Variants in ZSCAN18 observed in about 807,000 individuals in gnomAD.
ZSCAN18 encodes the protein zinc finger and SCAN domain containing 18, also known as zinc finger and SCAN domain-containing protein 18.
Under a neutral mutation model 31.1 loss-of-function variants are expected in ZSCAN18, and 16 were observed. The ratio of observed to expected loss-of-function variants is 0.51; its 90% confidence interval spans 0.35 to 0.78. The LOEUF (loss-of-function observed/expected upper bound fraction) is 0.78. ZSCAN18 is among the 30% of genes least tolerant of loss of function. The pLI, the probability that ZSCAN18 is intolerant of heterozygous loss-of-function variation, is 0.01. For synonymous variants in ZSCAN18, 375 were observed against 320.7 expected (o/e 1.17, Z -1.81); for missense variants, 731 against 697.4 (o/e 1.05, Z -0.54).
At chr19:58,094,752 C>T (rs1388553225) in intron 1 of ZSCAN18, among the ~76,000 whole-genome samples, 1 of 151,900 alleles carries the variant, frequency 6.6e-6, no homozygotes, top group Non-Finnish European at 1.5e-5. Context: ...GTGGTGCATG[C>T]CTGTGGTCCC....
upstream of ZSCAN18, among the ~76,000 whole-genome samples, chr19:58,098,643 G>T (rs1360677788): frequency 6.6e-6 from 1 of 152,268 alleles, no homozygotes; most frequent in South Asian, 2.1e-4. Context: ...ACCAGCTCAC[G>T]GTTAAGAAAG....
In ZSCAN18 at chr19:58,090,733, G is replaced by A. The variant is rs948233904; in HGVS notation, c.-119-347C>T. 1 of 179,538 alleles carries A rather than the reference G, an allele frequency of 5.6e-6. No homozygotes were observed. Among genetic ancestry groups the A allele is most frequent in the Admixed American group, 5.8e-5 (1 of 17,336 alleles). 11.1% of individuals were successfully genotyped at this position (179,538 alleles called of 1,614,324 possible). A position where few individuals can be genotyped will look rare whatever the true frequency, so the allele number is the denominator to read the frequency against. ...GTCTCTCCAGTAGCTGGAATTACAA[G>A]CATGCACCACCACACCCAGCTACTT... is the stretch of plus-strand genomic sequence containing the variant. On this transcript the variant is annotated intron_variant, in intron 1 of 6. Coordinates refer to ENST00000601144, the MANE Select transcript of ZSCAN18 (RefSeq NM_001145543.2). The surrounding 1 kb of genome is among the most constrained non-coding windows in gnomAD (Gnocchi z 4.7).
upstream of ZSCAN18, among the ~76,000 whole-genome samples, chr19:58,103,093 G>C (rs2146019384): frequency 6.6e-6 from 1 of 151,644 alleles, no homozygotes; most frequent in East Asian, 1.9e-4. Context: ...CTGTACTCCA[G>C]CCTGGGTGAC....
In ZSCAN18 at chr19:58,084,964, G is replaced by A. The variant is rs760868871; in HGVS notation, c.1254C>T (p.Cys418=). The A allele has an allele frequency of 8.1e-6, 13 of 1,598,054 alleles. No homozygotes were observed. The highest frequency in any genetic ancestry group is 2.7e-5 in the African/African-American group (2 of 74,754). Residue 418 remains cysteine, a synonymous_variant, in exon 7 of 7, where the codon TGC becomes TGT. Coordinates refer to ENST00000601144, the MANE Select transcript of ZSCAN18 (RefSeq NM_001145543.2). This position sits in a 1 kb window ranked among gnomAD's most constrained non-coding sequence, Gnocchi z 4.5. ...SRGKPYACGE[C]GEAFAWLSHL... ...GCGAGAGCCACGCGAAGGCCTCCCCGCACTCGCCGCAGGCATAGGGCTTCC... is the reference window on the plus strand; with the variant it reads ...GCGAGAGCCACGCGAAGGCCTCCCCACACTCGCCGCAGGCATAGGGCTTCC...
chr19:58,091,876 G>C (rs565068805), intron 1 of ZSCAN18, among the ~76,000 whole-genome samples: 1 of 152,102 alleles, frequency 6.6e-6, no homozygotes, highest in Non-Finnish European at 1.5e-5. Flanking sequence ...TCCCACAGCC[G>C]CAGCAAGCCC....
intron 3 of ZSCAN18, 60 bp from the exon 4 acceptor site, chr19:58,087,464 G>T: frequency 6.7e-7 from 1 of 1,485,336 alleles, no homozygotes. Context: ...GTGCCCTCAA[G>T]GGTCAAGGAG....
chr19:58,113,721 A>G (rs1326159329), intron 1 of ZSCAN18, among the ~76,000 whole-genome samples: 3 of 152,156 alleles, frequency 2.0e-5, no homozygotes, highest in African/African-American at 7.2e-5. Flanking sequence ...GCTCACGACT[A>G]TAATCCCAGG....
rs755646708 is a variant in ZSCAN18 at position 58,084,938 on chromosome 19, T to A, written c.1280A>T (p.His427Leu). The A allele has an allele frequency of 1.3e-6, 2 of 1,597,430 alleles. No homozygotes were observed. The highest frequency in any genetic ancestry group is 2.3e-5 in the East Asian group (1 of 44,270). ...ATGGCTGCTGTGGTGCTCCATCAGG[T>A]GCGAGAGCCACGCGAAGGCCTCCCC... ...ECGEAFAWLS[H>L]LMEHHSSHGG... is the part of the protein sequence containing the mutation. The change falls in exon 7 of 7, where the codon CAC (histidine) becomes CTC (leucine). Residue 427 changes from histidine to leucine, a missense_variant. Around this residue, in one of 4 missense-constraint regions of ZSCAN18, gnomAD observed 597 missense variants for 499.5 expected, o/e 1.20. Transcript: ENST00000601144. This position sits in a 1 kb window ranked among gnomAD's most constrained non-coding sequence, Gnocchi z 4.5.
At chr19:58,108,995 G>T in intron 1 of ZSCAN18, 4 of 1,196,754 alleles carry the variant, frequency 3.3e-6, no homozygotes, top group Non-Finnish European at 4.1e-6. Flanking sequence ...TTTGAGTCAT[G>T]TTCACAGAAA....
rs1186126257 is a variant in ZSCAN18, at chr19:58,094,874, T to A, written c.-120+3300A>T. Reference sequence around the variant, plus strand: ...GCCTGGGTAACAGAGTGAGACCCTGTCGCAAAAAAAAAAAAAAAAAAAAAA... The same window carrying A: ...GCCTGGGTAACAGAGTGAGACCCTGACGCAAAAAAAAAAAAAAAAAAAAAA... On this transcript the variant is annotated intron_variant, in intron 1 of 6. Coordinates refer to ENST00000601144, the MANE Select transcript of ZSCAN18 (RefSeq NM_001145543.2). Among the ~76,000 whole-genome samples the A allele has an allele frequency of 5.8e-5, 4 of 69,400 alleles. 1 individual carries two copies. Among genetic ancestry groups the A allele is most frequent in the African/African-American group, 2.7e-4 (4 of 14,582 alleles). The allele number at this position is 69,400 out of a possible 152,430, so 45.5% of individuals were successfully genotyped here. A position where few individuals can be genotyped will look rare whatever the true frequency, so the allele number is the denominator to read the frequency against.
rs2074337098 is a variant in ZSCAN18 at position 58,088,724 on chromosome 19, G to A, written c.517C>T (p.Leu173Phe). 11 of 1,611,610 alleles carry A rather than the reference G, an allele frequency of 6.8e-6. No individual in the cohort carries two copies. The East Asian group carries it at 2.5e-4, about 36-fold the overall frequency. ...GGTGCCGGGATCTCCCCAGCTCCAA[G>A]GGCCTGGCTGGGGCTCGCGAGCTCG... The part of the protein sequence containing the change: ...PGELASPSQA[L>F]GAGEIPAPSE... Residue 173 changes from leucine (L) to phenylalanine (F), a missense_variant, in exon 3 of 7, where the codon CTT becomes TTT. By Grantham distance (22) the Leu-to-Phe change is conservative. Coordinates refer to ENST00000601144, the MANE Select transcript of ZSCAN18 (RefSeq NM_001145543.2).
chr19:58,115,058 G>T (rs1338602801), intron 1 of ZSCAN18, among the ~76,000 whole-genome samples: 2 of 152,212 alleles, frequency 1.3e-5, no homozygotes, highest in African/African-American at 4.8e-5. Flanking sequence ...AATAGGTTTT[G>T]TTGCAGGACA....
rs1434727763 is a variant in ZSCAN18 at position 58,084,729 on chromosome 19, C to T, written c.1489G>A (p.Val497Met). 11 of 1,529,200 alleles carry T rather than the reference C, an allele frequency of 7.2e-6. No individual in the cohort carries two copies. The highest frequency in any genetic ancestry group is 9.6e-6 in the Non-Finnish European group (11 of 1,148,050). The allele number at this position is 1,529,200 out of a possible 1,614,324, so 94.7% of individuals were successfully genotyped here. ...GARAGGPPES[V>M]EGEAPPAPPE... ...GGTGCGGGGGGAGCCTCGCCCTCCA[C>T]GCTCTCTGGGGGACCGCCCGCCCTA... The change falls in exon 7 of 7, where the codon GTG becomes ATG. Residue 497 changes from valine (V) to methionine (M), a missense_variant. Physicochemically the swap from Val to Met is conservative, Grantham distance 21 (BLOSUM62 1). Coordinates refer to ENST00000601144, the MANE Select transcript of ZSCAN18 (RefSeq NM_001145543.2). This position sits in a 1 kb window ranked among gnomAD's most constrained non-coding sequence, Gnocchi z 4.5.
At chr19:58,093,702 G>A (rs972496331) in intron 1 of ZSCAN18, among the ~76,000 whole-genome samples, 4 of 152,116 alleles carry the variant, frequency 2.6e-5, no homozygotes, top group Non-Finnish European at 5.9e-5. Context: ...TCTGTGGCTT[G>A]TCTTTTCACT....
chr19:58,100,083 C>T (rs1024111662), upstream of ZSCAN18, among the ~76,000 whole-genome samples: 2 of 151,328 alleles, frequency 1.3e-5, no homozygotes, highest in African/African-American at 2.4e-5. Context: ...CTCAGCCTCC[C>T]GAGTAGCTGG....
chr19:58,095,338 T>C (rs1287536849), intron 1 of ZSCAN18, among the ~76,000 whole-genome samples: 2 of 152,060 alleles, frequency 1.3e-5, no homozygotes, highest in African/African-American at 4.8e-5. Context: ...CATCAGAACC[T>C]CACAATCCCA....
chr19:58,117,835 G>A (rs2074744166), intron 1 of ZSCAN18, among the ~76,000 whole-genome samples: 1 of 152,102 alleles, frequency 6.6e-6, no homozygotes, highest in Non-Finnish European at 1.5e-5. Context: ...GCCCCAAAGG[G>A]GGCCTGCGCC....
At chr19:58,117,904 G>T (rs376691377) in intron 1 of ZSCAN18, among the ~76,000 whole-genome samples, 2 of 152,228 alleles carry the variant, frequency 1.3e-5, no homozygotes, top group African/African-American at 4.8e-5. Context: ...AGGAAATTCG[G>T]AGTTGGCACC....
chr19:58,091,915 C>G (rs180740496), intron 1 of ZSCAN18, among the ~76,000 whole-genome samples: 1 of 152,234 alleles, frequency 6.6e-6, no homozygotes, highest in African/African-American at 2.4e-5. Context: ...ATAGAGTAAA[C>G]CACACCAGGC....
Sources: gnomAD v4.1 joint callset for allele counts (sites outside exome capture counted in the v4.1 genomes callset) on GRCh38, gnomAD v4.1.1 for gene constraint, gnomAD v4.1.1 regional missense constraint, Gnocchi (gnomAD v3.1) non-coding constraint, MANE v1.5 for transcripts, NCBI Gene and HGNC (gene_info 2026-07-23, HGNC 2026-07-21) for gene names.